The following ZBTB20 variants were observed in gnomAD, a reference collection of about 807,000 sequenced individuals.
ZBTB20 encodes zinc finger and BTB domain containing 20.
ZBTB20 carries 9 observed loss-of-function variants against 56.9 expected under a neutral mutation model. The observed-to-expected ratio is 0.16, with a 90% CI of 0.10 to 0.28. ZBTB20 has a LOEUF of 0.28. Ranked by LOEUF, ZBTB20 falls within the 10% of genes least tolerant of loss-of-function variation. The pLI, the probability that ZBTB20 is intolerant of heterozygous loss-of-function variation, is 1.00. For synonymous variants in ZBTB20, 417 were observed against 420.7 expected (o/e 0.99, Z 0.11); for missense variants, 655 against 1,003.0 (o/e 0.65, Z 4.69).
At chr3:114,770,970 G>A (rs561740388) in intron 5 of ZBTB20, among the ~76,000 whole-genome samples, 1 of 152,226 alleles carries the variant, frequency 6.6e-6, no homozygotes, top group South Asian at 2.1e-4. Flanking sequence ...CAGATTTTCG[G>A]ATTAGGGATG....
chr3:114,870,539 C>T (rs373880998), intron 4 of ZBTB20, among the ~76,000 whole-genome samples: 1 of 151,592 alleles, frequency 6.6e-6, no homozygotes, highest in East Asian at 1.9e-4. Context: ...ACTGAAAATT[C>T]TGAGCCTTGC....
At chr3:114,661,485 G>A (rs1183454156) in intron 6 of ZBTB20, among the ~76,000 whole-genome samples, 1 of 152,088 alleles carries the variant, frequency 6.6e-6, no homozygotes, top group Non-Finnish European at 1.5e-5. Context: ...TTATTTTCAA[G>A]CTGGATTTTG....
At chr3:114,395,355 T>C (rs575474017) in intron 7 of ZBTB20, among the ~76,000 whole-genome samples, 2 of 152,150 alleles carry the variant, frequency 1.3e-5, no homozygotes, top group African/African-American at 4.8e-5. Context: ...TGACCTCCGA[T>C]GAGACATTTA....
At chr3:114,666,662 A>G (rs971919959) in intron 6 of ZBTB20, among the ~76,000 whole-genome samples, 2 of 152,024 alleles carry the variant, frequency 1.3e-5, no homozygotes, top group Non-Finnish European at 2.9e-5. Context: ...TAAGTTGCTG[A>G]AGACTTCTTA....
At chr3:115,063,660 C>T (rs1157383270) in intron 2 of ZBTB20, among the ~76,000 whole-genome samples, 1 of 87,838 alleles carries the variant, frequency 1.1e-5, no homozygotes, top group Non-Finnish European at 2.8e-5. Flanking sequence ...GCAACACACA[C>T]ACACACACAC....
intron 5 of ZBTB20, among the ~76,000 whole-genome samples, chr3:114,733,482 T>G (rs1011222872): frequency 6.6e-6 from 1 of 152,166 alleles, no homozygotes; most frequent in Non-Finnish European, 1.5e-5. Context: ...TGATTCTGAT[T>G]TTTGGTCATT....
chr3:114,550,869 G>GCTTGAACT (rs2050488197), intron 6 of ZBTB20, among the ~76,000 whole-genome samples: 1 of 152,246 alleles, frequency 6.6e-6, no homozygotes, highest in East Asian at 1.9e-4. Flanking sequence ...TCGTGCCTCA[G>GCTTGAACT]CGTCCCGAGT....
rs527608245 is a variant in ZBTB20 at position 114,403,775 on chromosome 3, G to C, written c.-254-14670C>G. On this transcript the variant is annotated intron_variant, in intron 7 of 11. Transcript: ENST00000675478. ...CAGATATACAAAACAACATTGGTGGGATAAGTCAAATAATTCTCTAAAATG... is the reference window on the plus strand; with the variant it reads ...CAGATATACAAAACAACATTGGTGGCATAAGTCAAATAATTCTCTAAAATG... Among the ~76,000 whole-genome samples the C allele has an allele frequency of 1.5e-4, 23 of 152,144 alleles. 1 individual carries two copies. Among genetic ancestry groups the C allele is most frequent in the African/African-American group, 5.3e-4 (22 of 41,510 alleles).
intron 4 of ZBTB20, among the ~76,000 whole-genome samples, chr3:114,894,736 G>A (rs1170490558): frequency 3.3e-5 from 5 of 152,140 alleles, no homozygotes; most frequent in Admixed American, 2.6e-4. Context: ...TTCCCTCACA[G>A]CCCTGAGAAG....
At chr3:115,128,493 G>A (rs1234443608) in intron 1 of ZBTB20, among the ~76,000 whole-genome samples, 2 of 151,724 alleles carry the variant, frequency 1.3e-5, no homozygotes, top group East Asian at 1.9e-4. Flanking sequence ...GTGAAAGCTC[G>A]TCTCTACTAA....
chr3:114,843,453 A>G (rs2074484678), intron 4 of ZBTB20, among the ~76,000 whole-genome samples: 1 of 152,218 alleles, frequency 6.6e-6, no homozygotes, highest in South Asian at 2.1e-4. Context: ...CCAAGATTTC[A>G]AGCCAGTAAA....
At chr3:115,113,877 A>C (rs139407369) in intron 1 of ZBTB20, among the ~76,000 whole-genome samples, 6 of 152,164 alleles carry the variant, frequency 3.9e-5, no homozygotes, top group Non-Finnish European at 7.4e-5. Context: ...TATTTGCTCA[A>C]CCAGACTTTC....
At chr3:114,476,179 A>T (rs1415292293) in intron 7 of ZBTB20, among the ~76,000 whole-genome samples, 1 of 152,152 alleles carries the variant, frequency 6.6e-6, no homozygotes, top group Admixed American at 6.5e-5. Flanking sequence ...TTACTGGCTC[A>T]AAATTCTATC....
chr3:114,333,635 T>C lies in ZBTB20; in HGVS notation c.*5370A>G, dbSNP rs2079346589. 1 of 152,228 alleles carries C rather than the reference T, an allele frequency of 6.6e-6. No individual in the cohort carries two copies. The highest frequency in any genetic ancestry group is 2.1e-4 in the South Asian group (1 of 4,826). 9.4% of individuals were successfully genotyped at this position (152,228 alleles called of 1,614,324 possible). A position where few individuals can be genotyped will look rare whatever the true frequency, so the allele number is the denominator to read the frequency against. Reference sequence around the variant, plus strand: ...ACCCCTCCTTTTGTTTGTCACCAAGTCACATGGTTCTGTCTTCAGTATCCT... The same window carrying C: ...ACCCCTCCTTTTGTTTGTCACCAAGCCACATGGTTCTGTCTTCAGTATCCT... On this transcript the variant is annotated 3_prime_UTR_variant, in exon 12 of 12. Transcript: ENST00000675478.
chr3:115,133,742 A>G (rs2084576344), intron 1 of ZBTB20, among the ~76,000 whole-genome samples: 1 of 152,212 alleles, frequency 6.6e-6, no homozygotes, highest in South Asian at 2.1e-4. Context: ...TTGTATAGAT[A>G]TATCATAGAT....
rs561039882 is a variant in ZBTB20, at chr3:114,333,639, A to G, written c.*5366T>C. 53 of 152,166 alleles carry G rather than the reference A, an allele frequency of 3.5e-4. No individual in the cohort carries two copies. The highest frequency in any genetic ancestry group is 1.3e-3 in the African/African-American group (53 of 41,504). 9.4% of individuals were successfully genotyped at this position (152,166 alleles called of 1,614,324 possible). A position where few individuals can be genotyped will look rare whatever the true frequency, so the allele number is the denominator to read the frequency against. ...CTCCTTTTGTTTGTCACCAAGTCACATGGTTCTGTCTTCAGTATCCTATTT... is the reference window on the plus strand; with the variant it reads ...CTCCTTTTGTTTGTCACCAAGTCACGTGGTTCTGTCTTCAGTATCCTATTT... On this transcript the variant is annotated 3_prime_UTR_variant, in exon 12 of 12. Transcript: ENST00000675478.
intron 5 of ZBTB20, among the ~76,000 whole-genome samples, chr3:114,779,622 T>G (rs1375571407): frequency 5.1e-4 from 77 of 152,190 alleles, no homozygotes; most frequent in Admixed American, 5.0e-3. Flanking sequence ...TAGCACAGAT[T>G]ATGATCCTGA....
rs117790886 is a variant in ZBTB20 at position 114,591,876 on chromosome 3, T to C, written c.-294-91485A>G. ...CTTTGAAAGCATGCATTTCTTGTCC[T>C]CAACATCTAAAATAATGATTTGCAA... On this transcript the variant is annotated intron_variant, in intron 6 of 11. Transcript: ENST00000675478. Among the ~76,000 whole-genome samples the C allele has an allele frequency of 1.9e-3, 288 of 152,328 alleles. 7 individuals are homozygous for C. In the East Asian group the frequency reaches 0.052, roughly 27 times the overall value.
chr3:114,890,619 A>G (rs971360653), intron 4 of ZBTB20, among the ~76,000 whole-genome samples: 2 of 152,078 alleles, frequency 1.3e-5, no homozygotes, highest in African/African-American at 4.8e-5. Flanking sequence ...GAGACGGGGG[A>G]GGGATTGCAT....
Sources: gnomAD v4.1 joint callset for allele counts (sites outside exome capture counted in the v4.1 genomes callset) on GRCh38, gnomAD v4.1.1 for gene constraint, MANE v1.5 for transcripts, NCBI Gene and HGNC (gene_info 2026-07-23, HGNC 2026-07-21) for gene names.